Variants in GSDMC observed in about 807,000 individuals in gnomAD.
GSDMC encodes gasdermin-C.
In GSDMC, 59 loss-of-function variants were observed where a neutral mutation model predicts 58.0. The observed-to-expected ratio is 1.02, with a 90% confidence interval of 0.82 to 1.26. The LOEUF (loss-of-function observed/expected upper bound fraction) is 1.26, where lower values mean the gene tolerates loss of function less well. Among genes scored for constraint, GSDMC ranks in the 50% most tolerant of loss-of-function variants. The probability of loss-of-function intolerance (pLI) is 0.00; values close to 1 mark genes in which losing one functional copy is unlikely to be tolerated. For missense variants in GSDMC, 659 were observed against 598.5 expected, an observed-to-expected ratio of 1.10 and a Z score of -1.06; for synonymous variants, 241 against 220.2, an observed-to-expected ratio of 1.09 and a Z score of -0.83.
At chr8:129,756,403 AAGAG>A (rs1352219288) in intron 6 of GSDMC, among the ~76,000 whole-genome samples, 2 of 151,996 alleles carry the variant, frequency 1.3e-5, no homozygotes, top group Admixed American at 1.3e-4. Flanking sequence ...ATTAGAGCTA[AAGAG>A]AGAGAGAGCT....
Position 129,765,743 on chromosome 8 carries a change from C to T in GSDMC, c.455G>A (p.Gly152Glu). The T allele has an allele frequency of 6.2e-7, 1 of 1,613,686 alleles. No individual in the cohort carries two copies. Among genetic ancestry groups the T allele is most frequent in the South Asian group, 1.1e-5 (1 of 91,074 alleles). Residue 152 changes from glycine to glutamate, a missense_variant, in exon 4 of 14, where the codon GGG becomes GAG. Coordinates refer to ENST00000276708, the MANE Select transcript of GSDMC (RefSeq NM_031415.3). Reference protein sequence around the residue: ...PSFLKECRRRGDNLYVVTEAV... With the variant: ...PSFLKECRRREDNLYVVTEAV... ...CTCTGTCACCACGTACAGGTTGTCC[C>T]CTCTCCTCCGGCACTCCTTCAGAAA...
chr8:129,736,540 CAT>C, the GSDMC span, among the ~76,000 whole-genome samples: 1 of 152,292 alleles, frequency 6.6e-6, no homozygotes, highest in Admixed American at 6.5e-5. Context: ...ACAAACAACA[CAT>C]GATTATCTCA....
chr8:129,751,135 T>C (rs2033173467), intron 10 of GSDMC, among the ~76,000 whole-genome samples: 1 of 152,134 alleles, frequency 6.6e-6, no homozygotes, highest in Admixed American at 6.5e-5. Context: ...AGAGAGTTTA[T>C]GTATGTAAGG....
At chr8:129,711,771 G>A in the GSDMC span, among the ~76,000 whole-genome samples, 464 of 152,296 alleles carry the variant, frequency 3.0e-3, 3 homozygotes, top group African/African-American at 0.011. Flanking sequence ...CGCATCAACT[G>A]ATTTAGTCCT....
Position 129,750,247 on chromosome 8 carries a change from A to G in GSDMC, c.1084-128T>C, listed in dbSNP as rs148194273. On this transcript the variant is annotated intron_variant, in intron 11 of 13. Coordinates refer to ENST00000276708, the MANE Select transcript of GSDMC (RefSeq NM_031415.3). The stretch of plus-strand genomic sequence containing the variant: ...TCTCTACCTCCCCCAGGGGATTCCA[A>G]GCAGCCTCAGTAGTGGGGGCGACAC... The G allele has an allele frequency of 8.8e-6, 9 of 1,022,188 alleles. No homozygotes were observed. In the African/African-American group the frequency reaches 9.7e-5, roughly 11 times the overall value. 63.3% of individuals were successfully genotyped at this position (1,022,188 alleles called of 1,614,324 possible).
chr8:129,745,903 C>T (rs1422713334), downstream of GSDMC, among the ~76,000 whole-genome samples: 1 of 113,486 alleles, frequency 8.8e-6, no homozygotes. Context: ...TGCCGTTCTA[C>T]ATGCCATGAC....
chr8:129,725,353 T>C, the GSDMC span, among the ~76,000 whole-genome samples: 2 of 152,120 alleles, frequency 1.3e-5, no homozygotes, highest in African/African-American at 2.4e-5. Flanking sequence ...GACACACTCA[T>C]GCGTTCTTTT....
At chr8:129,722,262 G>A in the GSDMC span, among the ~76,000 whole-genome samples, 1 of 152,274 alleles carries the variant, frequency 6.6e-6, no homozygotes, top group Non-Finnish European at 1.5e-5. Flanking sequence ...AAATTTCAGA[G>A]CCCTCCTTGA....
the GSDMC span, among the ~76,000 whole-genome samples, chr8:129,710,251 A>C: frequency 6.6e-6 from 1 of 152,332 alleles, no homozygotes; most frequent in South Asian, 2.1e-4. Context: ...ACAACACTCA[A>C]AGAAATTTTG....
downstream of GSDMC, among the ~76,000 whole-genome samples, chr8:129,747,189 G>A (rs2032980438): frequency 6.6e-6 from 1 of 151,816 alleles, no homozygotes; most frequent in Non-Finnish European, 1.5e-5. Context: ...CCTGGGAGGT[G>A]GAGGTTGCAG....
intron 1 of GSDMC, among the ~76,000 whole-genome samples, chr8:129,779,034 T>G (rs2034333669): frequency 6.6e-6 from 1 of 152,224 alleles, no homozygotes; most frequent in African/African-American, 2.4e-5. Flanking sequence ...GTTCAACCAC[T>G]GTGAAAAACA....
intron 1 of GSDMC, among the ~76,000 whole-genome samples, chr8:129,779,740 C>A (rs76896156): frequency 0.014 from 2,172 of 151,922 alleles, 59 homozygotes; most frequent in African/African-American, 0.049. Flanking sequence ...AATTTAAAAA[C>A]AGACGATTCA....
intron 5 of GSDMC, among the ~76,000 whole-genome samples, chr8:129,760,943 G>C (rs1248036414): frequency 6.6e-6 from 1 of 152,158 alleles, no homozygotes; most frequent in Non-Finnish European, 1.5e-5. Context: ...ATTCTGTGTA[G>C]AGAAATATGC....
downstream of GSDMC, among the ~76,000 whole-genome samples, chr8:129,743,843 A>G (rs2032913107): frequency 6.6e-6 from 1 of 152,200 alleles, no homozygotes; most frequent in South Asian, 2.1e-4. Context: ...CTTCTAATGA[A>G]TGTCCTGAGT....
the GSDMC span, among the ~76,000 whole-genome samples, chr8:129,739,306 G>C: frequency 6.6e-6 from 1 of 152,136 alleles, no homozygotes; most frequent in Non-Finnish European, 1.5e-5. Flanking sequence ...AAGCAAGCAA[G>C]GGCAAATCCT....
At chr8:129,752,006 G>A in intron 8 of GSDMC, 100 bp downstream of exon 8, 1 of 1,455,708 alleles carries the variant, frequency 6.9e-7, no homozygotes, top group Non-Finnish European at 9.7e-7. Flanking sequence ...CTTTTCCCCA[G>A]AGGCCAGACC....
the GSDMC span, among the ~76,000 whole-genome samples, chr8:129,716,654 G>A: frequency 4.5e-4 from 68 of 152,232 alleles, no homozygotes; most frequent in East Asian, 0.011. Flanking sequence ...CCAATACTAT[G>A]TTGAATAGGA....
chr8:129,705,943 GT>G, the GSDMC span, among the ~76,000 whole-genome samples: 1 of 152,140 alleles, frequency 6.6e-6, no homozygotes, highest in Non-Finnish European at 1.5e-5. Context: ...TGGTTGAAAA[GT>G]CAATCAGGTA....
chr8:129,748,873 A>G (rs539881043), intron 13 of GSDMC, 133 bp from the exon 14 acceptor site: 6 of 603,854 alleles, frequency 9.9e-6, no homozygotes, highest in Non-Finnish European at 1.6e-5. Context: ...ACCAGGAGTA[A>G]CATGCTGGTC....
Sources: allele counts gnomAD v4.1 joint callset (sites outside exome capture counted in the v4.1 genomes callset), GRCh38; gene constraint gnomAD v4.1.1; transcripts MANE v1.5; gene names NCBI Gene and HGNC (gene_info 2026-07-23, HGNC 2026-07-21).